Variants in MIA3 observed in about 807,000 individuals in gnomAD.
MIA3 encodes MIA SH3 domain ER export factor 3.
In MIA3, 90 loss-of-function variants were observed where a neutral mutation model predicts 192.4. The ratio of observed to expected loss-of-function variants is 0.47; its 90% CI spans 0.39 to 0.56. MIA3 has a LOEUF of 0.56. MIA3 is among the 20% of genes least tolerant of loss of function. MIA3 has a pLI of 0.00. For missense variants in MIA3, 2,123 were observed against 2,269.4 expected, an observed-to-expected ratio of 0.94 and a Z score of 1.31; for synonymous variants, 740 against 792.8, an observed-to-expected ratio of 0.93 and a Z score of 1.12.
chr1:222,630,787 T>G (rs1662363792), intron 4 of MIA3, among the ~76,000 whole-genome samples: 1 of 152,236 alleles, frequency 6.6e-6, no homozygotes, highest in South Asian at 2.1e-4. Flanking sequence ...ATCAATGCCT[T>G]GGCTAAATTC....
chr1:222,657,911 C>G (rs1663819332), intron 18 of MIA3, among the ~76,000 whole-genome samples: 1 of 152,144 alleles, frequency 6.6e-6, no homozygotes, highest in Admixed American at 6.5e-5. Context: ...ATTTTTGTTT[C>G]CAATTTATAG....
chr1:222,619,004 G>T (rs1280771688), intron 1 of MIA3, among the ~76,000 whole-genome samples: 1 of 152,142 alleles, frequency 6.6e-6, no homozygotes, highest in Non-Finnish European at 1.5e-5. Flanking sequence ...AAAATCTTTC[G>T]CTCTGCAGAG....
At chr1:222,655,404 T>C (rs1470698589) in intron 18 of MIA3, among the ~76,000 whole-genome samples, 2 of 152,234 alleles carry the variant, frequency 1.3e-5, no homozygotes, top group Non-Finnish European at 2.9e-5. Context: ...TTCAAGTTTT[T>C]TGTCCACAAA....
intron 11 of MIA3, 31 bp from the exon 12 acceptor site, chr1:222,651,946 A>G: frequency 2.5e-6 from 3 of 1,205,036 alleles, no homozygotes; most frequent in Non-Finnish European, 2.5e-6. Context: ...AAATCCTAAT[A>G]TGCATTTTGT....
At chr1:222,639,076 T>C (rs1340296073) in intron 6 of MIA3, among the ~76,000 whole-genome samples, 1 of 152,124 alleles carries the variant, frequency 6.6e-6, no homozygotes, top group Non-Finnish European at 1.5e-5. Context: ...CAGAGAGACA[T>C]CACCACATAT....
chr1:222,633,953 C>T (rs1440201190), intron 6 of MIA3, among the ~76,000 whole-genome samples: 7 of 148,378 alleles, frequency 4.7e-5, no homozygotes, highest in East Asian at 3.9e-4. Context: ...TGGGCTCAGG[C>T]GATCCTCCTG....
At position 222,659,453 on chromosome 1, in the gene MIA3, G is replaced by A. The variant is rs1375203663; in HGVS notation, c.4710G>A (p.Lys1570=). ...TGATAAAGCCAAGTGTAATTCTTAG[G>A]CGGAGAATTGAAGAAATGGAGGATG... is the stretch of plus-strand genomic sequence containing the variant. The part of the protein sequence containing the change: ...VSAAEEVKTY[K]RRIEEMEDEL... Residue 1570 remains lysine (K), a splice_region_variant and synonymous_variant, in exon 20 of 28, where the codon AAG becomes AAA. Coordinates refer to ENST00000344922, the MANE Select transcript of MIA3 (RefSeq NM_198551.4). The A allele has an allele frequency of 1.2e-6, 2 of 1,613,434 alleles. No individual in the cohort carries two copies. Among genetic ancestry groups the A allele is most frequent in the Admixed American group, 1.7e-5 (1 of 59,958 alleles).
intron 15 of MIA3, among the ~76,000 whole-genome samples, 184 bp from the exon 16 acceptor site, chr1:222,654,059 G>T (rs1369385349): frequency 6.6e-6 from 1 of 152,156 alleles, no homozygotes; most frequent in Non-Finnish European, 1.5e-5. Flanking sequence ...TTGTACAAAT[G>T]GGAATTCACT....
chr1:222,642,634 A>T (rs1398518185), intron 6 of MIA3, among the ~76,000 whole-genome samples: 1 of 152,216 alleles, frequency 6.6e-6, no homozygotes, highest in Admixed American at 6.5e-5. Flanking sequence ...GACGTTGCCA[A>T]ATCATAGGGG....
rs1558176252 is a variant in MIA3, at chr1:222,629,255, G to C, written c.2035G>C (p.Glu679Gln). Residue 679 changes from glutamate to glutamine, a missense_variant, in exon 4 of 28, where the codon GAG (glutamate) becomes CAG (glutamine). By Grantham distance (29) the Glu-to-Gln change is conservative. Coordinates refer to ENST00000344922, the MANE Select transcript of MIA3 (RefSeq NM_198551.4). ...KQMSEKIRLS[E>Q]GEAKEDSLDE... ...AATGAGTGAGAAGATAAGGCTCTCT[G>C]AGGGAGAAGCCAAAGAGGACTCCTT... 5 of 1,614,086 alleles carry C rather than the reference G, an allele frequency of 3.1e-6. No homozygotes were observed. The highest frequency in any genetic ancestry group is 4.2e-6 in the Non-Finnish European group (5 of 1,180,044).
chr1:222,638,506 G>A (rs1662724823), intron 6 of MIA3, among the ~76,000 whole-genome samples: 1 of 151,724 alleles, frequency 6.6e-6, no homozygotes, highest in African/African-American at 2.4e-5. Context: ...GCCTAAACAT[G>A]GTGAAATCCT....
At chr1:222,644,772 T>TC (rs1685777578) in intron 6 of MIA3, among the ~76,000 whole-genome samples, 1 of 146,802 alleles carries the variant, frequency 6.8e-6, no homozygotes, top group South Asian at 2.1e-4. Context: ...GTTTCGTCAC[T>TC]CTTTTTTTTT....
chr1:222,662,406 A>C, intron 26 of MIA3, 74 bp downstream of exon 26: 4 of 1,584,966 alleles, frequency 2.5e-6, no homozygotes, highest in Non-Finnish European at 3.5e-6. Flanking sequence ...TCTTTGCCTC[A>C]TCTCCTATTT....
intron 5 of MIA3, 133 bp from the exon 6 acceptor site, chr1:222,632,969 TAA>T (rs1006728836): frequency 1.1e-6 from 1 of 894,624 alleles, no homozygotes; most frequent in Non-Finnish European, 1.8e-6. Flanking sequence ...CAGTGCACAG[TAA>T]ACATCCAGTG....
chr1:222,644,350 A>G, intron 6 of MIA3: 6 of 1,486,982 alleles, frequency 4.0e-6, no homozygotes, highest in Non-Finnish European at 5.4e-6. Flanking sequence ...CAGCTGTGGA[A>G]GGCGAAGTTC....
At position 222,653,265 on chromosome 1, in the gene MIA3, A is replaced by G. The variant is rs764248111; in HGVS notation, c.4247A>G (p.Glu1416Gly). 4.3e-6 allele frequency: 7 copies of G among 1,613,832 alleles called. No homozygotes were observed. Among genetic ancestry groups the G allele is most frequent in the African/African-American group, 1.3e-5 (1 of 74,916 alleles). Residue 1416 changes from glutamate (E) to glycine (G), a missense_variant, in exon 15 of 28, where the codon GAG becomes GGG. Coordinates refer to ENST00000344922, the MANE Select transcript of MIA3 (RefSeq NM_198551.4). ...TGCATTACACAGTTGAATCTGTTAG[A>G]GTGTGAATCTGAATCTGAGGGTCAA... Reference protein sequence around the residue: ...TNCITQLNLLECESESEGQNK... With the variant: ...TNCITQLNLLGCESESEGQNK...
At chr1:222,645,849 T>TTTTTTTTTTTTTTTTTTTTGAG in intron 7 of MIA3, 164 bp downstream of exon 7, 1 of 594,854 alleles carries the variant, frequency 1.7e-6, no homozygotes. Context: ...GGTAAATTCT[T>TTTTTTTTTTTTTTTTTTTTGAG]AAGTGAATAA....
chr1:222,648,730 A>G, intron 7 of MIA3, 99 bp from the exon 8 acceptor site: 1 of 764,602 alleles, frequency 1.3e-6, no homozygotes, highest in African/African-American at 1.8e-5. Context: ...GTTTTATTAA[A>G]TTCTCATTTG....
At chr1:222,634,770 C>A (rs536539642) in intron 6 of MIA3, among the ~76,000 whole-genome samples, 4 of 152,118 alleles carry the variant, frequency 2.6e-5, no homozygotes, top group Non-Finnish European at 5.9e-5. Flanking sequence ...TAGGAAAGAG[C>A]GTTCTTGTTG....
Sources: gnomAD v4.1 joint callset for allele counts (sites outside exome capture counted in the v4.1 genomes callset) on GRCh38, gnomAD v4.1.1 for gene constraint, MANE v1.5 for transcripts, NCBI Gene and HGNC (gene_info 2026-07-23, HGNC 2026-07-21) for gene names.